ACER3: variants seen among roughly 807,000 people sequenced by gnomAD.
The protein encoded by ACER3 is alkaline ceramidase 3, also known as alkCDase 3.
Under a neutral mutation model 48.9 loss-of-function variants are expected in ACER3, and 16 were observed. The observed-to-expected ratio is 0.33, with a 90% CI of 0.22 to 0.50. The LOEUF is 0.50. ACER3 is among the 20% of genes least tolerant of loss of function. ACER3 has a pLI of 0.98. For synonymous variants in ACER3, 109 were observed against 107.8 expected (o/e 1.01, Z -0.07); for missense variants, 227 against 326.0 (o/e 0.70, Z 2.34).
rs1949552675 is a variant in ACER3, at chr11:77,026,598, A to C, written c.*6271A>C. ...ATAAACATACATTGTACTGAATCTT[A>C]CTAGCAACTAACTATTTTCAGGTAA... On this transcript the variant is annotated 3_prime_UTR_variant, in exon 11 of 11. Transcript: ENST00000532485. 6.6e-6 allele frequency: 1 copy of C among 152,240 alleles called. No individual in the cohort carries two copies. The highest frequency in any genetic ancestry group is 1.5e-5 in the Non-Finnish European group (1 of 68,048). The allele number at this position is 152,240 out of a possible 1,614,324, so 9.4% of individuals were successfully genotyped here. A position where few individuals can be genotyped will look rare whatever the true frequency, so the allele number is the denominator to read the frequency against.
chr11:76,937,539 A>G (rs1223926703), intron 2 of ACER3, among the ~76,000 whole-genome samples: 1 of 152,246 alleles, frequency 6.6e-6, no homozygotes, highest in Non-Finnish European at 1.5e-5. Context: ...GAGAAGTGTC[A>G]CTGAACTGAT....
chr11:76,870,007 G>A (rs534122398), intron 1 of ACER3, among the ~76,000 whole-genome samples: 2 of 152,034 alleles, frequency 1.3e-5, no homozygotes, highest in East Asian at 1.9e-4. Context: ...GACCACAGAT[G>A]CGGGACACCA....
chr11:76,905,443 G>T (rs911912761), intron 1 of ACER3, among the ~76,000 whole-genome samples: 1 of 152,162 alleles, frequency 6.6e-6, no homozygotes, highest in African/African-American at 2.4e-5. Context: ...GGTGAATGGG[G>T]TGAATTCTAC....
intron 2 of ACER3, among the ~76,000 whole-genome samples, chr11:76,931,765 C>A (rs1010359895): frequency 6.6e-6 from 1 of 151,902 alleles, no homozygotes; most frequent in Admixed American, 6.6e-5. Flanking sequence ...GTTGAAAATT[C>A]TTTCCTTTAA....
At chr11:76,957,383 A>G (rs1162795114) in intron 2 of ACER3, 3 of 373,776 alleles carry the variant, frequency 8.0e-6, no homozygotes, top group African/African-American at 4.3e-5. Flanking sequence ...CCTTTGATAT[A>G]TTGAAGCACA....
chr11:76,936,297 A>G (rs1947183215), intron 2 of ACER3, among the ~76,000 whole-genome samples: 1 of 152,244 alleles, frequency 6.6e-6, no homozygotes, highest in Non-Finnish European at 1.5e-5. Flanking sequence ...ATTAATAAAG[A>G]TGACATCTCT....
At chr11:76,973,082 A>C (rs1235351717) in intron 3 of ACER3, among the ~76,000 whole-genome samples, 1 of 152,244 alleles carries the variant, frequency 6.6e-6, no homozygotes, top group African/African-American at 2.4e-5. Flanking sequence ...TTGGAGCCCT[A>C]TAAGTGAGGC....
intron 7 of ACER3, among the ~76,000 whole-genome samples, chr11:77,007,114 G>GA (rs34934546): frequency 0.6 from 84,830 of 141,756 alleles, 28,105 homozygotes; most frequent in Non-Finnish European, 0.76. Context: ...CCTGTCTCTT[G>GA]AAAAAAAAAA....
intron 1 of ACER3, among the ~76,000 whole-genome samples, chr11:76,921,535 G>A (rs78436824): frequency 0.021 from 3,218 of 152,142 alleles, 118 homozygotes; most frequent in African/African-American, 0.074. Context: ...GCTCGTAAAT[G>A]TTAGTATGTT....
At chr11:76,965,243 G>A (rs1220189285) in intron 3 of ACER3, among the ~76,000 whole-genome samples, 2 of 151,150 alleles carry the variant, frequency 1.3e-5, no homozygotes, top group Non-Finnish European at 1.5e-5. Flanking sequence ...AATGAAGCCA[G>A]AAGAGAAGTT....
chr11:76,867,468 C>CAAAAAAA lies in ACER3; in HGVS notation c.103+6412_103+6418dup, dbSNP rs1156610809. 8.1e-3 allele frequency among the ~76,000 whole-genome samples: 159 copies of CAAAAAAA among 19,584 alleles called. 12 individuals are homozygous for CAAAAAAA. The highest frequency in any genetic ancestry group is 0.024 in the African/African-American group (143 of 6,026). 12.8% of individuals were successfully genotyped at this position (19,584 alleles called of 152,430 possible). A position where few individuals can be genotyped will look rare whatever the true frequency, so the allele number is the denominator to read the frequency against. On this transcript the variant is annotated intron_variant, in intron 1 of 10. Coordinates refer to ENST00000532485, the MANE Select transcript of ACER3 (RefSeq NM_018367.7). ...TTGGTGACAGAGTGAGACTCTGTCT[C>CAAAAAAA]AAAAAAAAAAAAAAAAAAAAAAAAA...
Position 76,949,430 on chromosome 11 carries a change from C to G in ACER3, c.215-9549C>G, listed in dbSNP as rs185843159. 1.4e-3 allele frequency among the ~76,000 whole-genome samples: 218 copies of G among 152,270 alleles called. 2 individuals are homozygous for G. Among genetic ancestry groups the G allele is most frequent in the African/African-American group, 5.0e-3 (207 of 41,550 alleles). ...TCACAAACAGGCAAGTCAAATGCAG[C>G]TCTTCATCATGATGAAATGTTGGCT... On this transcript the variant is annotated intron_variant, in intron 2 of 10. Coordinates refer to ENST00000532485, the MANE Select transcript of ACER3 (RefSeq NM_018367.7).
At chr11:76,874,535 G>T (rs1408750920) in intron 1 of ACER3, among the ~76,000 whole-genome samples, 2 of 152,150 alleles carry the variant, frequency 1.3e-5, no homozygotes. Flanking sequence ...TCTTGGTGTT[G>T]CTATGATGGT....
chr11:76,987,774 A>G (rs1471200728), intron 5 of ACER3, among the ~76,000 whole-genome samples: 1 of 152,142 alleles, frequency 6.6e-6, no homozygotes, highest in East Asian at 1.9e-4. Flanking sequence ...TCGTCTCTAC[A>G]AAACATTTTT....
chr11:76,989,303 A>G (rs1403852398), intron 5 of ACER3, among the ~76,000 whole-genome samples: 1 of 151,762 alleles, frequency 6.6e-6, no homozygotes, highest in Non-Finnish European at 1.5e-5. Flanking sequence ...TAGCCAAATA[A>G]TAAAATTATA....
At chr11:77,013,863 A>G (rs1057454298) in intron 7 of ACER3, among the ~76,000 whole-genome samples, 9 of 152,238 alleles carry the variant, frequency 5.9e-5, no homozygotes, top group African/African-American at 1.9e-4. Flanking sequence ...GTGACCATAC[A>G]ATGGAGTACC....
chr11:76,863,903 A>G (rs1379735187), intron 1 of ACER3, among the ~76,000 whole-genome samples: 2 of 152,228 alleles, frequency 1.3e-5, no homozygotes, highest in Admixed American at 6.5e-5. Flanking sequence ...GCTACTATCC[A>G]TGTTACCTCT....
intron 6 of ACER3, 87 bp downstream of exon 6, chr11:76,990,661 T>G (rs1948782521): frequency 3.2e-6 from 3 of 930,410 alleles, no homozygotes; most frequent in Non-Finnish European, 5.0e-6. Context: ...GATATGCAGA[T>G]AAAAATTTTT....
At chr11:76,938,928 C>A (rs1270539647) in intron 2 of ACER3, among the ~76,000 whole-genome samples, 8 of 142,818 alleles carry the variant, frequency 5.6e-5, no homozygotes, top group Admixed American at 3.5e-4. Flanking sequence ...AGGGAAAGTA[C>A]AAGATAAGCC....
Sources: gnomAD v4.1 joint callset for allele counts (sites outside exome capture counted in the v4.1 genomes callset) on GRCh38, gnomAD v4.1.1 for gene constraint, MANE v1.5 for transcripts, NCBI Gene and HGNC (gene_info 2026-07-23, HGNC 2026-07-21) for gene names.